TXLNB: variants seen among roughly 807,000 people sequenced by gnomAD.
TXLNB encodes taxilin beta, also known as beta-taxilin.
Under a neutral mutation model 57.4 loss-of-function variants are expected in TXLNB, and 37 were observed. The ratio of observed to expected loss-of-function variants is 0.64; its 90% confidence interval spans 0.50 to 0.85. The LOEUF is 0.85. TXLNB is among the 40% of genes least tolerant of loss of function. The pLI is 0.00. For synonymous variants in TXLNB, 302 were observed against 309.6 expected (o/e 0.98, Z 0.26); for missense variants, 848 against 825.6 (o/e 1.03, Z -0.33).
chr6:139,205,549 A>G, the TXLNB span, among the ~76,000 whole-genome samples: 17 of 152,212 alleles, frequency 1.1e-4, no homozygotes, highest in African/African-American at 4.1e-4. Context: ...GAAAGTTTCT[A>G]CAATAGACTA....
At chr6:139,181,340 G>GAAAC in the TXLNB span, among the ~76,000 whole-genome samples, 1 of 152,236 alleles carries the variant, frequency 6.6e-6, no homozygotes, top group Admixed American at 6.5e-5. Flanking sequence ...GAAAATTCCA[G>GAAAC]AAACAATTCA....
the TXLNB span, among the ~76,000 whole-genome samples, chr6:139,322,789 G>GA: frequency 6.6e-6 from 1 of 152,074 alleles, no homozygotes; most frequent in Admixed American, 6.6e-5. Flanking sequence ...TTTTTCTGTA[G>GA]AAAAAACACA....
intron 4 of TXLNB, among the ~76,000 whole-genome samples, chr6:139,263,151 A>G (rs1562279328): frequency 1.3e-5 from 2 of 152,246 alleles, no homozygotes. Context: ...GAGACAGATC[A>G]TGTGTTTCTC....
chr6:139,259,998 G>A (rs139971173), intron 6 of TXLNB, among the ~76,000 whole-genome samples: 2,232 of 152,172 alleles, frequency 0.015, 58 homozygotes, highest in African/African-American at 0.051. Context: ...CGAGGAAGGC[G>A]GATCACCTGA....
the TXLNB span, among the ~76,000 whole-genome samples, chr6:139,173,441 C>G: frequency 2.0e-5 from 3 of 152,162 alleles, no homozygotes; most frequent in Non-Finnish European, 4.4e-5. Flanking sequence ...AACATACATA[C>G]CTTTCCATCG....
At chr6:139,320,862 C>T in the TXLNB span, among the ~76,000 whole-genome samples, 1 of 152,170 alleles carries the variant, frequency 6.6e-6, no homozygotes, top group Non-Finnish European at 1.5e-5. Context: ...CTCTTCTGCC[C>T]TTTCCCACTT....
At position 139,242,469 on chromosome 6, in the gene TXLNB, G is replaced by C. The variant is rs373186057; in HGVS notation, c.*57C>G. The C allele has an allele frequency of 7.2e-6, 10 of 1,383,838 alleles. No homozygotes were observed. In the South Asian group the frequency reaches 2.0e-4, roughly 27 times the overall value. The allele number at this position is 1,383,838 out of a possible 1,614,324, so 85.7% of individuals were successfully genotyped here. Reference sequence around the variant, plus strand: ...CCTTAATGCCTTTTTCGGAAGACAAGCTGTTATGCTGAATATGCAAAGAGG... The same window carrying C: ...CCTTAATGCCTTTTTCGGAAGACAACCTGTTATGCTGAATATGCAAAGAGG... On this transcript the variant is annotated 3_prime_UTR_variant, in exon 10 of 10. Transcript: ENST00000358430.
the TXLNB span, among the ~76,000 whole-genome samples, chr6:139,163,217 G>A: frequency 1.3e-5 from 2 of 152,344 alleles, no homozygotes; most frequent in East Asian, 3.9e-4. Flanking sequence ...GGGATGGACA[G>A]TGAGGTTGCT....
chr6:139,189,184 C>T, the TXLNB span, among the ~76,000 whole-genome samples: 4 of 152,132 alleles, frequency 2.6e-5, no homozygotes, highest in Non-Finnish European at 4.4e-5. Flanking sequence ...TTACAGCTTT[C>T]GGGGTAAAAG....
At chr6:139,289,228 G>A (rs1240123839) in intron 1 of TXLNB, among the ~76,000 whole-genome samples, 1 of 152,174 alleles carries the variant, frequency 6.6e-6, no homozygotes, top group Non-Finnish European at 1.5e-5. Flanking sequence ...AATAGGTTAT[G>A]TTATCTATAG....
intron 3 of TXLNB, among the ~76,000 whole-genome samples, chr6:139,274,339 C>T (rs1192012949): frequency 6.6e-6 from 1 of 152,072 alleles, no homozygotes; most frequent in Non-Finnish European, 1.5e-5. Flanking sequence ...CAGTCATTTT[C>T]TATATTAATA....
chr6:139,266,912 T>C (rs772181200), intron 4 of TXLNB, among the ~76,000 whole-genome samples: 1 of 149,838 alleles, frequency 6.7e-6, no homozygotes, highest in Middle Eastern at 3.4e-3. Context: ...TTGTTGATTT[T>C]CATGAGAAAT....
chr6:139,174,076 G>A, the TXLNB span, among the ~76,000 whole-genome samples: 2 of 152,136 alleles, frequency 1.3e-5, no homozygotes, highest in African/African-American at 4.8e-5. Context: ...GGTTTTGAGT[G>A]TATGTGGCTT....
intron 3 of TXLNB, among the ~76,000 whole-genome samples, chr6:139,273,990 T>C (rs1371126574): frequency 2.6e-5 from 4 of 152,242 alleles, no homozygotes; most frequent in Non-Finnish European, 5.9e-5. Flanking sequence ...AATAGGCATA[T>C]AGAATTTCTG....
the TXLNB span, among the ~76,000 whole-genome samples, chr6:139,189,284 A>G: frequency 0.035 from 5,345 of 152,340 alleles, 111 homozygotes; most frequent in Non-Finnish European, 0.048. Flanking sequence ...TTGGATTTGC[A>G]TTAGTTGAAA....
the TXLNB span, among the ~76,000 whole-genome samples, chr6:139,193,943 G>A: frequency 1.3e-4 from 20 of 148,330 alleles, no homozygotes; most frequent in East Asian, 6.0e-4. Flanking sequence ...CCGGGTTCAC[G>A]CCATTCTCCT....
rs1277989390 is a variant in TXLNB at position 139,276,842 on chromosome 6, C to T, written c.504G>A (p.Lys168=). 3.7e-6 allele frequency: 6 copies of T among 1,607,520 alleles called. No individual in the cohort carries two copies. The highest frequency in any genetic ancestry group is 4.2e-6 in the Non-Finnish European group (5 of 1,177,800). ...PEEKFDFLFK[K]YAELLDEHRT... ...TCCAAGATCTTACCAATTCAGCATACTTCTTGAATAAAAAATCAAACTTTT... is the reference window on the plus strand; with the variant it reads ...TCCAAGATCTTACCAATTCAGCATATTTCTTGAATAAAAAATCAAACTTTT... The change falls in exon 3 of 10, where the codon AAG becomes AAA. Residue 168 remains lysine (K), a synonymous_variant. Transcript: ENST00000358430.
chr6:139,242,845 T>C lies in TXLNB; in HGVS notation c.1736A>G (p.Asn579Ser), dbSNP rs1301942535. The part of the protein sequence containing the change: ...SDAEPPSKAS[N>S]SPAGLGAETQ... ...TTCTGCTCCCAACCCGGCAGGAGAA[T>C]TACTGGCCTTGGAGGGAGGTTCAGC... Residue 579 changes from asparagine to serine, a missense_variant, in exon 10 of 10, where the codon AAT becomes AGT. By Grantham distance (46) the Asn-to-Ser change is conservative. Coordinates refer to ENST00000358430, the MANE Select transcript of TXLNB (RefSeq NM_153235.4). 6 of 1,613,956 alleles carry C rather than the reference T, an allele frequency of 3.7e-6. No homozygotes were observed. The highest frequency in any genetic ancestry group is 1.1e-5 in the South Asian group (1 of 91,078).
chr6:139,203,134 T>G, the TXLNB span, among the ~76,000 whole-genome samples: 2 of 152,200 alleles, frequency 1.3e-5, no homozygotes, highest in Non-Finnish European at 2.9e-5. Flanking sequence ...CCATGTATTG[T>G]CTATTATGAC....
Sources: gnomAD v4.1 joint callset for allele counts (sites outside exome capture counted in the v4.1 genomes callset) on GRCh38, gnomAD v4.1.1 for gene constraint, MANE v1.5 for transcripts, NCBI Gene and HGNC (gene_info 2026-07-23, HGNC 2026-07-21) for gene names.